PUM3: variants seen among roughly 807,000 people sequenced by gnomAD.
PUM3 encodes the protein pumilio homolog 3.
Under a neutral mutation model 84.0 loss-of-function variants are expected in PUM3, and 91 were observed. The ratio of observed to expected loss-of-function variants is 1.08; its 90% confidence interval spans 0.91 to 1.29. The LOEUF is 1.29. Ranked by LOEUF, PUM3 falls within the 50% of genes most tolerant of loss-of-function variation. The probability of loss-of-function intolerance (pLI) is 0.00; values close to 1 mark genes in which losing one functional copy is unlikely to be tolerated. For missense variants in PUM3, 1,067 were observed against 767.5 expected, an observed-to-expected ratio of 1.39 and a Z score of -4.61; for synonymous variants, 321 against 266.7, an observed-to-expected ratio of 1.20 and a Z score of -1.98.
chr9:2,828,795 C>CA lies in PUM3; in HGVS notation c.853-18dup, dbSNP rs766823982. 3 of 1,301,556 alleles carry CA rather than the reference C, an allele frequency of 2.3e-6. No homozygotes were observed. The East Asian group carries it at 6.9e-5, about 30-fold the overall frequency. The allele number at this position is 1,301,556 out of a possible 1,614,324, so 80.6% of individuals were successfully genotyped here. A position where few individuals can be genotyped will look rare whatever the true frequency, so the allele number is the denominator to read the frequency against. ...ATCTGCTGACTGCAACAAAACAAAACAATCAAACCCCTCTAAATTTAATCA... is the reference window on the plus strand; with the variant it reads ...ATCTGCTGACTGCAACAAAACAAAACAAATCAAACCCCTCTAAATTTAATCA... On this transcript the variant is annotated splice_polypyrimidine_tract_variant and intron_variant, in intron 8 of 17. Coordinates refer to ENST00000397885, the MANE Select transcript of PUM3 (RefSeq NM_014878.5).
chr9:2,826,158 C>G (rs1168489895), intron 10 of PUM3, among the ~76,000 whole-genome samples: 1 of 151,464 alleles, frequency 6.6e-6, no homozygotes, highest in Admixed American at 6.6e-5. Context: ...GACAATTTGT[C>G]TCATTACTTT....
At position 2,818,736 on chromosome 9, in the gene PUM3, C is replaced by T. The variant is rs114912347; in HGVS notation, c.1269+1282G>A. ...CTTGTTTCTTCCCACAATCCTATCC[C>T]AAAGAAAGTCATCACAATCTTAAAA... On this transcript the variant is annotated intron_variant, in intron 13 of 17. Transcript: ENST00000397885. 5.8e-3 allele frequency among the ~76,000 whole-genome samples: 884 copies of T among 152,278 alleles called. 6 individuals carry two copies. The highest frequency in any genetic ancestry group is 0.02 in the African/African-American group (849 of 41,548).
At chr9:2,829,654 T>C (rs767942519) in intron 8 of PUM3, 120 bp downstream of exon 8, 7 of 802,534 alleles carry the variant, frequency 8.7e-6, no homozygotes, top group Non-Finnish European at 1.2e-5. Flanking sequence ...GGGCATAAGA[T>C]GGTCTCTTAA....
chr9:2,843,237 T>C (rs1302418589), intron 1 of PUM3, among the ~76,000 whole-genome samples: 1 of 152,164 alleles, frequency 6.6e-6, no homozygotes, highest in African/African-American at 2.4e-5. Flanking sequence ...GCTAACTTTA[T>C]CTTGTACTCT....
At chr9:2,829,608 A>C (rs189761045) in intron 8 of PUM3, among the ~76,000 whole-genome samples, 166 bp downstream of exon 8, 124 of 152,356 alleles carry the variant, frequency 8.1e-4, no homozygotes, top group Admixed American at 1.3e-3. Flanking sequence ...CTTGCTCACT[A>C]TACCAGAAAC....
Position 2,830,035 on chromosome 9 carries a change from A to ATCTT in PUM3, c.678-88_678-87insAAGA, listed in dbSNP as rs1815933614. ...ACACAACTTACTTCTCCCAAGACCAACTCATCAATCTGTGTCACTCTGAGG... is the reference window on the plus strand; with the variant it reads ...ACACAACTTACTTCTCCCAAGACCAATCTTCTCATCAATCTGTGTCACTCTGAGG... On this transcript the variant is annotated intron_variant, in intron 7 of 17. Coordinates refer to ENST00000397885, the MANE Select transcript of PUM3 (RefSeq NM_014878.5). 3 of 1,176,660 alleles carry ATCTT rather than the reference A, an allele frequency of 2.5e-6. No individual in the cohort carries two copies. The South Asian group carries it at 4.2e-5, about 16-fold the overall frequency. The allele number at this position is 1,176,660 out of a possible 1,614,324, so 72.9% of individuals were successfully genotyped here. A position where few individuals can be genotyped will look rare whatever the true frequency, so the allele number is the denominator to read the frequency against.
At chr9:2,843,086 T>C (rs1174074566) in intron 1 of PUM3, among the ~76,000 whole-genome samples, 3 of 152,204 alleles carry the variant, frequency 2.0e-5, no homozygotes, top group Non-Finnish European at 4.4e-5. Flanking sequence ...CCAGGGCCTA[T>C]TCATGATTCT....
chr9:2,819,970 A>G (rs1239090527), intron 13 of PUM3, 48 bp downstream of exon 13: 1 of 1,255,308 alleles, frequency 8.0e-7, no homozygotes, highest in Non-Finnish European at 1.2e-6. Context: ...CACATCCACA[A>G]CTGGTTTATC....
intron 5 of PUM3, among the ~76,000 whole-genome samples, chr9:2,832,956 C>T (rs1172557647): frequency 2.0e-5 from 3 of 152,070 alleles, no homozygotes; most frequent in African/African-American, 7.2e-5. Flanking sequence ...ATGATGTTTA[C>T]AAAAGCATGG....
chr9:2,829,817 A>C lies in PUM3; in HGVS notation c.809T>G (p.Met270Arg). ...GTTCCCATAGAGCTCTTCCGTCAGC[A>C]TGTTCCTCTGCTCCAAAATGGCTTT... ...NDKAILEQRN[M>R]LTEELYGNTF... The change falls in exon 8 of 18, where the codon ATG (methionine) becomes AGG (arginine). Residue 270 changes from methionine (M) to arginine (R), a missense_variant. Coordinates refer to ENST00000397885, the MANE Select transcript of PUM3 (RefSeq NM_014878.5). 3.7e-6 allele frequency: 6 copies of C among 1,614,184 alleles called. No homozygotes were observed. Among genetic ancestry groups the C allele is most frequent in the Non-Finnish European group, 5.1e-6 (6 of 1,179,994 alleles).
At chr9:2,813,325 G>C (rs985334841) in intron 13 of PUM3, among the ~76,000 whole-genome samples, 2 of 152,202 alleles carry the variant, frequency 1.3e-5, no homozygotes, top group African/African-American at 4.8e-5. Flanking sequence ...AGATGCAACA[G>C]AAGAGTCATC....
At chr9:2,842,863 C>T (rs901817020) in intron 1 of PUM3, among the ~76,000 whole-genome samples, 5 of 152,116 alleles carry the variant, frequency 3.3e-5, no homozygotes, top group Admixed American at 6.5e-5. Flanking sequence ...CTATTTTTCC[C>T]TGCCCTATCG....
At position 2,829,854 on chromosome 9, in the gene PUM3, C is replaced by T. The variant is rs62534389; in HGVS notation, c.772G>A (p.Ala258Thr). ...TCCAAAATGGCTTTGTCATTGTATG[C>T]GTACTCCACGATGGCTGATGCTTCC... ...HAEASAIVEY[A>T]YNDKAILEQR... The change falls in exon 8 of 18, where the codon GCA becomes ACA. Residue 258 changes from alanine (A) to threonine (T), a missense_variant. By Grantham distance (58) the Ala-to-Thr change is moderately conservative. Transcript: ENST00000397885. 9.9e-6 allele frequency: 16 copies of T among 1,613,838 alleles called. No homozygotes were observed. The South Asian group carries it at 1.4e-4, about 14-fold the overall frequency.
At chr9:2,809,042 C>G (rs1821315152) in intron 16 of PUM3, among the ~76,000 whole-genome samples, 1 of 152,146 alleles carries the variant, frequency 6.6e-6, no homozygotes, top group Non-Finnish European at 1.5e-5. Context: ...TACTCACTTG[C>G]CAGCCATGTG....
At chr9:2,833,954 A>G (rs753052091) in intron 4 of PUM3, 77 bp downstream of exon 4, 26 of 1,444,424 alleles carry the variant, frequency 1.8e-5, no homozygotes, top group Non-Finnish European at 2.4e-5. Context: ...ATTTTAGGAC[A>G]TCTCACTATT....
chr9:2,810,511 T>C, intron 15 of PUM3, 80 bp from the exon 16 acceptor site: 5 of 959,120 alleles, frequency 5.2e-6, no homozygotes, highest in Non-Finnish European at 8.1e-6. Context: ...ATACTATTTA[T>C]GCCACCACAT....
At chr9:2,843,573 CTTTTTTTTTTTTT>C (rs34837134) in intron 1 of PUM3, among the ~76,000 whole-genome samples, 2 of 96,398 alleles carry the variant, frequency 2.1e-5, no homozygotes, top group South Asian at 3.8e-4. Context: ...TCCCGCCCTT[CTTTTTTTTTTTTT>C]TTTTTTTTTT....
intron 11 of PUM3, 84 bp downstream of exon 11, chr9:2,824,633 G>C (rs1815758256): frequency 1.1e-6 from 1 of 883,486 alleles, no homozygotes; most frequent in Admixed American, 3.5e-5. Context: ...GGGGTTAAAA[G>C]TCTAAGGACA....
intron 1 of PUM3, among the ~76,000 whole-genome samples, chr9:2,843,055 T>C (rs1816309935): frequency 6.6e-6 from 1 of 152,174 alleles, no homozygotes. Context: ...CTTCCAAATG[T>C]AATACATTTT....
Sources: allele counts gnomAD v4.1 joint callset (sites outside exome capture counted in the v4.1 genomes callset), GRCh38; gene constraint gnomAD v4.1.1; transcripts MANE v1.5; gene names NCBI Gene and HGNC (gene_info 2026-07-23, HGNC 2026-07-21).